EYA2: variants seen among roughly 807,000 people sequenced by gnomAD.
The protein encoded by EYA2 is protein phosphatase EYA2.
In EYA2, 31 loss-of-function variants were observed where a neutral mutation model predicts 69.2. That is an observed-to-expected ratio of 0.45 (90% CI 0.34 to 0.60). EYA2 has a LOEUF of 0.60. Among genes scored for constraint, EYA2 ranks in the 20% least tolerant of loss-of-function variants. The pLI, the probability that EYA2 is intolerant of heterozygous loss-of-function variation, is 0.02. For missense variants in EYA2, 622 were observed against 701.2 expected (o/e 0.89, Z 1.28); for synonymous variants, 257 against 279.4 (o/e 0.92, Z 0.80).
rs1979606651 is a variant in EYA2 at position 46,963,582 on chromosome 20, C to A, written c.-10-26419C>A. ...AAGACCTAGGGGTCTTCCATACTCA[C>A]TGGGGATTGTTTTTAATGACAATGT... On this transcript the variant is annotated intron_variant, in intron 1 of 15. Coordinates refer to ENST00000327619, the MANE Select transcript of EYA2 (RefSeq NM_005244.5). 2.0e-5 allele frequency among the ~76,000 whole-genome samples: 3 copies of A among 152,354 alleles called. No homozygotes were observed. In the South Asian group the frequency reaches 6.2e-4, roughly 32 times the overall value.
chr20:46,970,326 A>G (rs1050144069), intron 1 of EYA2, among the ~76,000 whole-genome samples: 5 of 152,158 alleles, frequency 3.3e-5, no homozygotes, highest in African/African-American at 1.2e-4. Flanking sequence ...TTAAGTGTAT[A>G]TAAAAATAGA....
At chr20:47,001,796 T>C (rs917276853) in intron 3 of EYA2, among the ~76,000 whole-genome samples, 4 of 151,600 alleles carry the variant, frequency 2.6e-5, no homozygotes, top group Non-Finnish European at 4.4e-5. Context: ...TCTTTTTTTT[T>C]TTTTTATTCT....
At chr20:46,904,078 C>T (rs1984242886) in intron 1 of EYA2, among the ~76,000 whole-genome samples, 1 of 152,192 alleles carries the variant, frequency 6.6e-6, no homozygotes, top group African/African-American at 2.4e-5. Context: ...GCCCTGGACT[C>T]AGACAGATCT....
At chr20:47,005,122 C>G in intron 4 of EYA2, 38 bp downstream of exon 4, 1 of 1,603,860 alleles carries the variant, frequency 6.2e-7, no homozygotes, top group South Asian at 1.1e-5. Context: ...CTCCTCAGGT[C>G]CCCAAATCAT....
intron 1 of EYA2, among the ~76,000 whole-genome samples, chr20:46,982,951 T>G (rs1980934880): frequency 6.7e-6 from 1 of 148,896 alleles, no homozygotes; most frequent in Admixed American, 6.9e-5. Flanking sequence ...TTTTTGTATT[T>G]TTAGTAGAGG....
At chr20:47,024,020 A>G (rs529249057) in intron 5 of EYA2, among the ~76,000 whole-genome samples, 1 of 152,318 alleles carries the variant, frequency 6.6e-6, no homozygotes, top group African/African-American at 2.4e-5. Flanking sequence ...ATCCAGTTGT[A>G]GTAAACGTTT....
intron 9 of EYA2, among the ~76,000 whole-genome samples, chr20:47,130,978 A>T (rs1188022253): frequency 6.6e-6 from 1 of 151,818 alleles, no homozygotes; most frequent in African/African-American, 2.4e-5. Context: ...AATCCCAGCT[A>T]CTCAGGGGGC....
intron 1 of EYA2, among the ~76,000 whole-genome samples, chr20:46,930,818 G>C (rs986012329): frequency 1.3e-5 from 2 of 152,236 alleles, no homozygotes; most frequent in Non-Finnish European, 2.9e-5. Flanking sequence ...TCTGTGCCAG[G>C]CACTGTGCCA....
At chr20:46,995,312 G>A (rs79914935) in intron 2 of EYA2, among the ~76,000 whole-genome samples, 1,562 of 152,302 alleles carry the variant, frequency 0.01, 28 homozygotes, top group African/African-American at 0.035. Context: ...TGATTCTAAT[G>A]TACATAAAAT....
chr20:46,981,701 G>T (rs932133920), intron 1 of EYA2, among the ~76,000 whole-genome samples: 2 of 152,080 alleles, frequency 1.3e-5, no homozygotes, highest in Non-Finnish European at 2.9e-5. Context: ...GTATGTCCCT[G>T]TAAATCTCTA....
In EYA2 at chr20:47,128,612, G is replaced by T. The variant is rs181186900; in HGVS notation, c.889-14447G>T. 1.3e-3 allele frequency among the ~76,000 whole-genome samples: 194 copies of T among 151,690 alleles called. 1 individual carries two copies. The highest frequency in any genetic ancestry group is 4.4e-3 in the African/African-American group (181 of 41,334). The stretch of plus-strand genomic sequence containing the variant: ...TTCATTTTATGTTACTAGTTCCCAT[G>T]AAGATATATTTATGAGTAAAATGGT... On this transcript the variant is annotated intron_variant, in intron 9 of 15. Coordinates refer to ENST00000327619, the MANE Select transcript of EYA2 (RefSeq NM_005244.5).
At chr20:47,011,980 T>G (rs1983085655) in intron 4 of EYA2, among the ~76,000 whole-genome samples, 1 of 152,092 alleles carries the variant, frequency 6.6e-6, no homozygotes, top group Non-Finnish European at 1.5e-5. Flanking sequence ...GTATTTTGTA[T>G]GCTTCTCCTC....
chr20:47,151,276 C>T (rs952272369), intron 10 of EYA2, among the ~76,000 whole-genome samples: 1 of 151,800 alleles, frequency 6.6e-6, no homozygotes, highest in Admixed American at 6.6e-5. Flanking sequence ...TAGGCTGAGG[C>T]AGGAGAATCG....
chr20:46,926,730 AG>A (rs1337398108), intron 1 of EYA2, among the ~76,000 whole-genome samples: 4 of 152,218 alleles, frequency 2.6e-5, no homozygotes, highest in Non-Finnish European at 5.9e-5. Context: ...GGAGGGTGGT[AG>A]GGATAGAAAT....
intron 1 of EYA2, among the ~76,000 whole-genome samples, chr20:46,974,951 C>T (rs1980370707): frequency 6.6e-6 from 1 of 152,148 alleles, no homozygotes. Flanking sequence ...ATGCAGACAT[C>T]TGAACTTGCA....
intron 5 of EYA2, among the ~76,000 whole-genome samples, chr20:47,045,212 G>C (rs1319212666): frequency 6.6e-6 from 1 of 152,234 alleles, no homozygotes; most frequent in Non-Finnish European, 1.5e-5. Flanking sequence ...AGATGCCCAA[G>C]AAAGCTATCC....
intron 5 of EYA2, among the ~76,000 whole-genome samples, chr20:47,031,422 G>A: frequency 6.6e-6 from 1 of 152,194 alleles, no homozygotes; most frequent in East Asian, 1.9e-4. Context: ...TGGGGGGATG[G>A]CAAGGGCTGC....
chr20:46,949,568 G>A (rs1978675444), intron 1 of EYA2, among the ~76,000 whole-genome samples: 1 of 152,184 alleles, frequency 6.6e-6, no homozygotes, highest in Non-Finnish European at 1.5e-5. Flanking sequence ...TCTGACTCTT[G>A]ACTTGTTTTG....
chr20:46,973,213 A>G (rs138869858), intron 1 of EYA2, among the ~76,000 whole-genome samples: 2 of 152,338 alleles, frequency 1.3e-5, no homozygotes, highest in Non-Finnish European at 2.9e-5. Context: ...TATGGGAAAT[A>G]CAATGAAAAG....
Sources: gnomAD v4.1 joint callset for allele counts (sites outside exome capture counted in the v4.1 genomes callset) on GRCh38, gnomAD v4.1.1 for gene constraint, MANE v1.5 for transcripts, NCBI Gene and HGNC (gene_info 2026-07-23, HGNC 2026-07-21) for gene names.